The following TSHZ2 variants were observed in gnomAD, a reference collection of about 807,000 sequenced individuals.
The protein encoded by TSHZ2 is teashirt homolog 2.
In TSHZ2, 21 loss-of-function variants were observed where a neutral mutation model predicts 74.4. The observed-to-expected ratio is 0.28, with a 90% CI of 0.20 to 0.41. TSHZ2 has a LOEUF of 0.41. TSHZ2 is among the 10% of genes least tolerant of loss of function. The pLI is 1.00. For missense variants in TSHZ2, 1,244 were observed against 1,293.5 expected (o/e 0.96, Z 0.59); for synonymous variants, 540 against 515.3 (o/e 1.05, Z -0.65).
At chr20:53,292,437 C>T (rs73274282) in intron 2 of TSHZ2, among the ~76,000 whole-genome samples, 1,708 of 135,598 alleles carry the variant, frequency 0.013, 28 homozygotes, top group African/African-American at 0.049. Flanking sequence ...TAAATGCACA[C>T]AAACCACCTA....
intron 1 of TSHZ2, among the ~76,000 whole-genome samples, chr20:53,070,142 G>A (rs1350201415): frequency 1.3e-5 from 2 of 152,158 alleles, no homozygotes; most frequent in Non-Finnish European, 1.5e-5. Context: ...GGGTATTCAT[G>A]ATTTTATGAT....
chr20:53,006,573 G>A (rs1982654594), intron 1 of TSHZ2, among the ~76,000 whole-genome samples: 1 of 152,196 alleles, frequency 6.6e-6, no homozygotes, highest in Admixed American at 6.5e-5. Context: ...TAGTCACCAT[G>A]CAGGAATCCA....
intron 1 of TSHZ2, among the ~76,000 whole-genome samples, chr20:53,083,642 G>A (rs958790419): frequency 1.3e-5 from 2 of 152,216 alleles, no homozygotes; most frequent in African/African-American, 2.4e-5. Flanking sequence ...GTTACCAGCT[G>A]TGAGACATTC....
intron 2 of TSHZ2, among the ~76,000 whole-genome samples, chr20:53,276,472 G>C (rs1287811001): frequency 6.6e-6 from 1 of 152,184 alleles, no homozygotes; most frequent in East Asian, 1.9e-4. Context: ...ACCATGGTCA[G>C]GCTGCCTGGG....
Position 53,254,862 on chromosome 20 carries a change from G to C in TSHZ2, c.1404G>C (p.Arg468Ser). 2.5e-6 allele frequency: 4 copies of C among 1,614,132 alleles called. No individual in the cohort carries two copies. The highest frequency in any genetic ancestry group is 2.5e-6 in the Non-Finnish European group (3 of 1,180,046). ...TAAAGAAAGAGAGTAAAAAAGAAAG[G>C]CCAGAGGAAACCAGCAAGGATGAGA... ...TELKKESKKE[R>S]PEETSKDEKV... The change falls in exon 2 of 3, where the codon AGG becomes AGC. Residue 468 changes from arginine to serine, a missense_variant. By Grantham distance (110) the Arg-to-Ser change is moderately radical (BLOSUM62 -1). Transcript: ENST00000371497.
At chr20:53,438,446 T>C (rs1984180826) in intron 2 of TSHZ2, among the ~76,000 whole-genome samples, 1 of 152,138 alleles carries the variant, frequency 6.6e-6, no homozygotes, top group Admixed American at 6.5e-5. Flanking sequence ...CAGCCCCAAG[T>C]TGAGCCGTCA....
chr20:53,142,837 ATGCTC>A (rs1329225935), intron 1 of TSHZ2, among the ~76,000 whole-genome samples: 4 of 149,282 alleles, frequency 2.7e-5, no homozygotes, highest in African/African-American at 9.9e-5. Flanking sequence ...AAAAAAAAAA[ATGCTC>A]TGCTTAATAC....
chr20:53,365,737 A>G (rs991907458), intron 2 of TSHZ2, among the ~76,000 whole-genome samples: 7 of 152,188 alleles, frequency 4.6e-5, no homozygotes, highest in Admixed American at 4.6e-4. Flanking sequence ...CTTCTCAGCC[A>G]AATCCACCCA....
At chr20:53,207,950 T>C (rs1014002579) in intron 1 of TSHZ2, among the ~76,000 whole-genome samples, 1 of 146,576 alleles carries the variant, frequency 6.8e-6, no homozygotes, top group Admixed American at 7.3e-5. Flanking sequence ...TCCCCCTGCC[T>C]CTGCCTCCCA....
chr20:53,195,968 G>A (rs1434769123), intron 1 of TSHZ2, among the ~76,000 whole-genome samples: 1 of 152,014 alleles, frequency 6.6e-6, no homozygotes, highest in Non-Finnish European at 1.5e-5. Context: ...CTATTTTTTT[G>A]TGCTAAGAGC....
chr20:53,045,810 T>C (rs1399703128), intron 1 of TSHZ2, among the ~76,000 whole-genome samples: 1 of 152,118 alleles, frequency 6.6e-6, no homozygotes, highest in African/African-American at 2.4e-5. Flanking sequence ...CTTAAATGAG[T>C]GCCTAGGACA....
At chr20:53,393,713 G>A (rs1260311131) in intron 2 of TSHZ2, among the ~76,000 whole-genome samples, 2 of 151,206 alleles carry the variant, frequency 1.3e-5, no homozygotes, top group Non-Finnish European at 1.5e-5. Context: ...ACTAAGGTCT[G>A]TAGTCTAGTT....
chr20:53,228,081 A>G (rs1989727296), intron 1 of TSHZ2, among the ~76,000 whole-genome samples: 1 of 140,196 alleles, frequency 7.1e-6, no homozygotes, highest in African/African-American at 2.7e-5. Context: ...ATTTTGATAC[A>G]GAGGTGGATG....
intron 1 of TSHZ2, among the ~76,000 whole-genome samples, chr20:52,997,264 G>A (rs1000717907): frequency 6.2e-4 from 85 of 136,988 alleles, no homozygotes; most frequent in African/African-American, 1.8e-3. Context: ...TGCCCCGGGG[G>A]GGGGTTCAGC....
intron 2 of TSHZ2, among the ~76,000 whole-genome samples, chr20:53,316,306 T>A (rs1202986647): frequency 6.6e-6 from 1 of 152,166 alleles, no homozygotes; most frequent in Admixed American, 6.5e-5. Flanking sequence ...TTGTATTACA[T>A]GCTGGGAGCA....
At chr20:53,317,717 G>A (rs1334468217) in intron 2 of TSHZ2, among the ~76,000 whole-genome samples, 4 of 152,190 alleles carry the variant, frequency 2.6e-5, no homozygotes, top group Non-Finnish European at 5.9e-5. Context: ...GGCCTGATGA[G>A]CAATGTTGGT....
chr20:53,459,163 A>C (rs1163455276), intron 2 of TSHZ2, among the ~76,000 whole-genome samples: 2 of 152,182 alleles, frequency 1.3e-5, no homozygotes, highest in East Asian at 3.8e-4. Context: ...GGGGTGTTAA[A>C]GACTCGCATT....
intron 1 of TSHZ2, among the ~76,000 whole-genome samples, chr20:53,041,505 G>A (rs1460581163): frequency 6.6e-6 from 1 of 152,172 alleles, no homozygotes; most frequent in East Asian, 1.9e-4. Flanking sequence ...GCCAGCCTAG[G>A]AGTCAGCCCA....
intron 2 of TSHZ2, among the ~76,000 whole-genome samples, chr20:53,302,045 T>C (rs928390361): frequency 5.3e-5 from 8 of 152,174 alleles, no homozygotes; most frequent in African/African-American, 1.9e-4. Flanking sequence ...GCAAGTGGTA[T>C]TGGGGAGCAG....
Sources: gnomAD v4.1 joint callset for allele counts (sites outside exome capture counted in the v4.1 genomes callset) on GRCh38, gnomAD v4.1.1 for gene constraint, MANE v1.5 for transcripts, NCBI Gene and HGNC (gene_info 2026-07-23, HGNC 2026-07-21) for gene names.